The following PLEKHA5 variants were observed in gnomAD, a reference collection of about 807,000 sequenced individuals.
The protein encoded by PLEKHA5 is pleckstrin homology domain-containing family A member 5.
In PLEKHA5, 55 loss-of-function variants were observed where a neutral mutation model predicts 181.9. The observed-to-expected ratio is 0.30, with a 90% CI of 0.24 to 0.38. The LOEUF (loss-of-function observed/expected upper bound fraction) is 0.38. Among genes scored for constraint, PLEKHA5 ranks in the 10% least tolerant of loss-of-function variants. The pLI, the probability that PLEKHA5 is intolerant of heterozygous loss-of-function variation, is 1.00. For missense variants in PLEKHA5, 1,432 were observed against 1,549.5 expected (o/e 0.92, Z 1.27); for synonymous variants, 535 against 529.4 (o/e 1.01, Z -0.15).
chr12:19,243,375 C>G (rs1307894459), intron 3 of PLEKHA5: 1 of 152,178 alleles, frequency 6.6e-6, no homozygotes, highest in African/African-American at 2.4e-5. Context: ...TCATAAACTG[C>G]AAATAATAAC....
chr12:19,273,408 T>C (rs548434471), intron 10 of PLEKHA5, among the ~76,000 whole-genome samples: 2 of 152,276 alleles, frequency 1.3e-5, no homozygotes, highest in Non-Finnish European at 2.9e-5. Flanking sequence ...AGCTTCTAGA[T>C]ATCTTCATCT....
intron 3 of PLEKHA5, among the ~76,000 whole-genome samples, chr12:19,165,040 A>T (rs1015623542): frequency 3.3e-5 from 5 of 152,074 alleles, no homozygotes; most frequent in African/African-American, 1.2e-4. Context: ...CCTCCCCAAA[A>T]TAAAACAGCA....
chr12:19,257,654 C>T (rs1266781197), intron 6 of PLEKHA5, 117 bp downstream of exon 6: 1 of 636,520 alleles, frequency 1.6e-6, no homozygotes, highest in Non-Finnish European at 2.7e-6. Context: ...ATGGAGAAGC[C>T]ACCCAGGTTA....
chr12:19,150,473 A>G (rs1274097033), intron 3 of PLEKHA5: 1 of 152,146 alleles, frequency 6.6e-6, no homozygotes, highest in African/African-American at 2.4e-5. Context: ...GGCACTTATC[A>G]CTGGTTAAAA....
intron 13 of PLEKHA5, 69 bp from the exon 14 acceptor site, chr12:19,290,608 A>C (rs2078204255): frequency 1.5e-5 from 22 of 1,424,836 alleles, no homozygotes; most frequent in Non-Finnish European, 1.9e-5. Flanking sequence ...TCTTGGTTTA[A>C]TATCTGTCAC....
chr12:19,358,959 A>G (rs2095088101), intron 27 of PLEKHA5, among the ~76,000 whole-genome samples: 1 of 152,156 alleles, frequency 6.6e-6, no homozygotes, highest in Non-Finnish European at 1.5e-5. Flanking sequence ...CTCTTTATAA[A>G]TTCAGAGACA....
At position 19,129,895 on chromosome 12, in the gene PLEKHA5, A is replaced by G. The variant is rs1273677352; in HGVS notation, c.89+7A>G. 1 of 1,596,430 alleles carries G rather than the reference A, an allele frequency of 6.3e-7. No individual in the cohort carries two copies. Among genetic ancestry groups the G allele is most frequent in the Non-Finnish European group, 8.5e-7 (1 of 1,171,762 alleles). On this transcript the variant is annotated splice_region_variant and intron_variant, in intron 1 of 31. Transcript: ENST00000429027. ...GCCGAGTCTTCTTCATCAAGTAAAG[A>G]GCCGGGGACGGCACGGGGGCCCGCG...
At chr12:19,238,332 A>G (rs2061761193) in intron 3 of PLEKHA5, among the ~76,000 whole-genome samples, 1 of 152,112 alleles carries the variant, frequency 6.6e-6, no homozygotes, top group Non-Finnish European at 1.5e-5. Context: ...ATGTGAATGT[A>G]AAAAGAATAA....
intron 3 of PLEKHA5, among the ~76,000 whole-genome samples, chr12:19,227,023 C>T (rs929516269): frequency 6.6e-6 from 1 of 152,062 alleles, no homozygotes; most frequent in Admixed American, 6.6e-5. Flanking sequence ...TTCCCAGTTC[C>T]ATACCTCTTT....
intron 3 of PLEKHA5, among the ~76,000 whole-genome samples, chr12:19,140,513 A>G (rs1591786228): frequency 6.6e-6 from 1 of 152,326 alleles, no homozygotes; most frequent in Middle Eastern, 3.4e-3. Flanking sequence ...TGAAGTGACC[A>G]GTAAGCCACC....
intron 26 of PLEKHA5, among the ~76,000 whole-genome samples, chr12:19,356,321 C>T (rs2094925616): frequency 6.6e-6 from 1 of 152,016 alleles, no homozygotes; most frequent in Non-Finnish European, 1.5e-5. Flanking sequence ...TCAAGACTAG[C>T]CTGAGCAACA....
At chr12:19,306,349 C>T in intron 15 of PLEKHA5, 1 of 432,686 alleles carries the variant, frequency 2.3e-6, no homozygotes, top group Non-Finnish European at 4.6e-6. Context: ...CGTTTGTTTT[C>T]TCGTGCTCTC....
intron 29 of PLEKHA5, among the ~76,000 whole-genome samples, chr12:19,362,724 C>T (rs537027449): frequency 6.6e-6 from 1 of 151,978 alleles, no homozygotes. Flanking sequence ...CACGTTACTA[C>T]ACTCCAGCCT....
chr12:19,199,263 CA>C (rs1354104783), intron 3 of PLEKHA5, among the ~76,000 whole-genome samples: 5 of 152,040 alleles, frequency 3.3e-5, no homozygotes, highest in African/African-American at 1.2e-4. Flanking sequence ...ATTTAAAAAT[CA>C]AAATACTTGT....
At chr12:19,353,300 C>T (rs1398398934) in intron 25 of PLEKHA5, among the ~76,000 whole-genome samples, 1 of 151,850 alleles carries the variant, frequency 6.6e-6, no homozygotes, top group Non-Finnish European at 1.5e-5. Context: ...ATTATAGACA[C>T]CTGACACCAT....
At chr12:19,188,644 C>T (rs2050384421) in intron 3 of PLEKHA5, among the ~76,000 whole-genome samples, 1 of 152,100 alleles carries the variant, frequency 6.6e-6, no homozygotes, top group East Asian at 1.9e-4. Flanking sequence ...GCTTGTTTAC[C>T]TTTAAGGTCT....
chr12:19,347,658 G>T (rs1316709514), intron 24 of PLEKHA5, among the ~76,000 whole-genome samples: 3 of 152,058 alleles, frequency 2.0e-5, no homozygotes, highest in African/African-American at 4.8e-5. Flanking sequence ...TACGTTTAGG[G>T]TTAAGCAAAT....
chr12:19,259,567 A>G (rs1460609510), intron 6 of PLEKHA5, among the ~76,000 whole-genome samples: 1 of 152,012 alleles, frequency 6.6e-6, no homozygotes, highest in Non-Finnish European at 1.5e-5. Context: ...CCTGGCCAAC[A>G]TGGAGAAACC....
At chr12:19,364,029 A>G (rs376028995) in intron 29 of PLEKHA5, among the ~76,000 whole-genome samples, 2 of 152,360 alleles carry the variant, frequency 1.3e-5, no homozygotes, top group East Asian at 1.9e-4. Flanking sequence ...TGAGTTCATA[A>G]TGATACAACA....
Sources: gnomAD v4.1 joint callset for allele counts (sites outside exome capture counted in the v4.1 genomes callset) on GRCh38, gnomAD v4.1.1 for gene constraint, MANE v1.5 for transcripts, NCBI Gene and HGNC (gene_info 2026-07-23, HGNC 2026-07-21) for gene names.